NBEAL2: variants seen among roughly 807,000 people sequenced by gnomAD.
NBEAL2 encodes neurobeachin like 2.
Under a neutral mutation model 299.8 loss-of-function variants are expected in NBEAL2, and 160 were observed. That is an observed-to-expected ratio of 0.53 (90% confidence interval 0.47 to 0.61). The LOEUF is 0.61. NBEAL2 is among the 20% of genes least tolerant of loss of function. NBEAL2 has a pLI of 0.00. For synonymous variants in NBEAL2, 1,493 were observed against 1,542.3 expected (o/e 0.97, Z 0.75); for missense variants, 3,112 against 3,649.0 (o/e 0.85, Z 3.79).
chr3:47,005,176 C>T lies in NBEAL2; in HGVS notation c.6420-5C>T. 2.5e-6 allele frequency: 4 copies of T among 1,613,764 alleles called. No homozygotes were observed. The highest frequency in any genetic ancestry group is 3.4e-6 in the Non-Finnish European group (4 of 1,179,872). ...TTCTGCTGACACGTCCAACTGTGGC[C>T]CCAGGTATGAAAGCTTTGAGGACCC... On this transcript the variant is annotated splice_polypyrimidine_tract_variant and splice_region_variant and intron_variant, in intron 39 of 53. Coordinates refer to ENST00000450053, the MANE Select transcript of NBEAL2 (RefSeq NM_015175.3).
intron 9 of NBEAL2, among the ~76,000 whole-genome samples, chr3:46,992,178 G>A (rs2036145495): frequency 6.6e-6 from 1 of 152,160 alleles, no homozygotes; most frequent in Admixed American, 6.5e-5. Flanking sequence ...CCCCATGGAA[G>A]CGGGGCTTGT....
intron 31 of NBEAL2, 26 bp downstream of exon 31, chr3:47,002,314 G>T (rs1421259544): frequency 6.9e-6 from 11 of 1,590,818 alleles, no homozygotes; most frequent in Non-Finnish European, 8.6e-6. Context: ...GGCCCAGGAA[G>T]AGGAGTGGGG....
chr3:47,008,306 T>A lies in NBEAL2; in HGVS notation c.7743T>A (p.Thr2581=). ...AGGATGGAACTGTGATCATACACAC[T>A]GTACGCCGCGGACAGTTTGTAGCGG... ...GSEDGTVIIH[T]VRRGQFVAAL... is the part of the protein sequence containing the mutation. The change falls in exon 51 of 54, where the codon ACT becomes ACA. Residue 2581 remains threonine, a synonymous_variant. Coordinates refer to ENST00000450053, the MANE Select transcript of NBEAL2 (RefSeq NM_015175.3). 1 of 1,613,238 alleles carries A rather than the reference T, an allele frequency of 6.2e-7. No homozygotes were observed. The highest frequency in any genetic ancestry group is 8.5e-7 in the Non-Finnish European group (1 of 1,179,532).
chr3:47,008,750 C>A, intron 52 of NBEAL2, 82 bp downstream of exon 52: 1 of 1,561,600 alleles, frequency 6.4e-7, no homozygotes, highest in East Asian at 2.3e-5. Flanking sequence ...ACCCACACAC[C>A]ATACATGTTT....
At chr3:46,987,492 G>A (rs7630415) in intron 1 of NBEAL2, among the ~76,000 whole-genome samples, 2,777 of 152,354 alleles carry the variant, frequency 0.018, 93 homozygotes, top group African/African-American at 0.062. Flanking sequence ...GAGGGGCTTA[G>A]AGATTAGAGC....
chr3:46,979,773 G>A lies in NBEAL2; in HGVS notation c.-89G>A. The A allele has an allele frequency of 2.8e-6, 1 of 357,744 alleles. No individual in the cohort carries two copies. The highest frequency in any genetic ancestry group is 1.0e-4 in the South Asian group (1 of 9,752). 22.2% of individuals were successfully genotyped at this position (357,744 alleles called of 1,614,324 possible). On this transcript the variant is annotated 5_prime_UTR_variant, in exon 1 of 54. Transcript: ENST00000450053. ...GCTCCGCCCCGGAGTGACGCCCTCC[G>A]CCCATGGGCCTGGCCGAGGGCAACC...
At chr3:47,008,845 T>C in intron 52 of NBEAL2, 144 bp from the exon 53 acceptor site, 1 of 1,441,196 alleles carries the variant, frequency 6.9e-7, no homozygotes, top group Non-Finnish European at 9.4e-7. Flanking sequence ...TAGCCACAGT[T>C]GTGGGAGATT....
rs762474969 is a variant in NBEAL2, at chr3:47,002,616, A to C, written c.5302-29A>C. On this transcript the variant is annotated intron_variant, in intron 32 of 53. Transcript: ENST00000450053. ...GAAACGGGTAGGGCAGGCAGCAGCC[A>C]GGGGACTGACCTATTACCCCCACCC... is the stretch of plus-strand genomic sequence containing the variant. 3.7e-5 allele frequency: 59 copies of C among 1,607,912 alleles called. No individual in the cohort carries two copies. The South Asian group carries it at 5.0e-4, about 14-fold the overall frequency.
In NBEAL2 at chr3:46,989,365, C is replaced by T. The variant is rs866959953; in HGVS notation, c.457C>T (p.Arg153Trp). The T allele has an allele frequency of 3.2e-6, 5 of 1,578,996 alleles. No homozygotes were observed. The highest frequency in any genetic ancestry group is 1.7e-4 in the Middle Eastern group (1 of 6,032). ...CCTCTTTGACCCTTACCAAACCTGG[C>T]GGCGCCAGCGCAGTGGGTGAGACCC... is the stretch of plus-strand genomic sequence containing the variant. ...EGLFDPYQTW[R>W]RQRSGEVISS... is the part of the protein sequence containing the mutation. Residue 153 changes from arginine to tryptophan, a missense_variant, in exon 5 of 54, where the codon CGG becomes TGG. Coordinates refer to ENST00000450053, the MANE Select transcript of NBEAL2 (RefSeq NM_015175.3). This position sits in a 1 kb window ranked among gnomAD's most constrained non-coding sequence, Gnocchi z 5.5.
At chr3:46,983,096 A>G (rs1398137818) in intron 1 of NBEAL2, among the ~76,000 whole-genome samples, 2 of 152,138 alleles carry the variant, frequency 1.3e-5, no homozygotes, top group East Asian at 3.9e-4. Context: ...TCAGGGCAGA[A>G]CAAACCCTCA....
intron 12 of NBEAL2, among the ~76,000 whole-genome samples, chr3:46,994,792 G>A (rs2036359830): frequency 2.0e-5 from 3 of 152,192 alleles, no homozygotes; most frequent in African/African-American, 2.4e-5. Flanking sequence ...TGCAGTTAGG[G>A]GTTAGGCCAA....
At chr3:46,994,598 C>A (rs1002536822) in intron 12 of NBEAL2, 45 bp downstream of exon 12, 13 of 1,499,184 alleles carry the variant, frequency 8.7e-6, no homozygotes, top group Non-Finnish European at 4.5e-6. Context: ...GCAACCAGAA[C>A]TGAGTCAGGG....
In NBEAL2 at chr3:46,991,927, G is replaced by A. The variant is rs375643988; in HGVS notation, c.1013G>A (p.Arg338Gln). Reference protein sequence around the residue: ...LSNNCFEHLTRLIQNSKLYLQ... With the variant: ...LSNNCFEHLTQLIQNSKLYLQ... ...AACAATTGCTTTGAACACCTCACTC[G>A]GCTCATTCAGAACAGCAAGGTGGGT... Residue 338 changes from arginine to glutamine, a missense_variant, in exon 9 of 54, where the codon CGG (arginine) becomes CAG (glutamine). Around this residue, in one of 3 missense-constraint regions of NBEAL2, gnomAD observed 2,243 missense variants for 2,538.1 expected, o/e 0.88. Transcript: ENST00000450053. The surrounding 1 kb of genome is among the most constrained non-coding windows in gnomAD (Gnocchi z 6.2). The A allele has an allele frequency of 1.5e-5, 24 of 1,599,738 alleles. No homozygotes were observed. Among genetic ancestry groups the A allele is most frequent in the East Asian group, 4.5e-5 (2 of 44,268 alleles).
At position 47,007,239 on chromosome 3, in the gene NBEAL2, A is replaced by G; in HGVS notation, c.7225-2A>G. 1 of 1,611,664 alleles carries G rather than the reference A, an allele frequency of 6.2e-7. No homozygotes were observed. Among genetic ancestry groups the G allele is most frequent in the Non-Finnish European group, 8.5e-7 (1 of 1,178,868 alleles). ...CCCACCTCTGCCCCCTCCTGCCTGC[A>G]GGTGACTGTGAGTGCCAGTGGGCTG... On this transcript the variant is annotated splice_acceptor_variant, in intron 46 of 53. Transcript: ENST00000450053. LOFTEE classifies it high-confidence loss of function.
At position 47,002,725 on chromosome 3, in the gene NBEAL2, G is replaced by A. The variant is rs201887911; in HGVS notation, c.5382G>A (p.Thr1794=). The change falls in exon 33 of 54, where the codon ACG becomes ACA. Residue 1794 remains threonine (T), a synonymous_variant. Transcript: ENST00000450053. ...CGGCAGTGCTGAAGCAGCAGGCAAC[G>A]CAGCACTCCATGGCCCTGCTGCACT... ...RYTAVLKQQA[T]QHSMALLHWG... is the part of the protein sequence containing the mutation. The A allele has an allele frequency of 2.2e-4, 353 of 1,593,272 alleles. No homozygotes were observed. The highest frequency in any genetic ancestry group is 1.7e-4 in the Non-Finnish European group (202 of 1,173,048).
intron 42 of NBEAL2, 41 bp from the exon 43 acceptor site, chr3:47,005,905 G>A (rs1022728938): frequency 6.2e-7 from 1 of 1,612,298 alleles, no homozygotes; most frequent in East Asian, 2.2e-5. Flanking sequence ...ATCATGGGGG[G>A]TCAGCTGTCC....
chr3:46,999,419 G>C lies in NBEAL2; in HGVS notation c.3648G>C (p.Glu1216Asp), dbSNP rs767234947. ...GLQGLVACLP[E>D]GTVSPQLCQG... ...AGGGTCTGGTTGCCTGCTTGCCTGA[G>C]GGGACTGTTTCCCCCCAGCTCTGCC... The change falls in exon 25 of 54, where the codon GAG becomes GAC. Residue 1216 changes from glutamate to aspartate, a missense_variant. By Grantham distance (45) the Glu-to-Asp change is conservative. Transcript: ENST00000450053. 9 of 1,593,480 alleles carry C rather than the reference G, an allele frequency of 5.6e-6. No homozygotes were observed. The highest frequency in any genetic ancestry group is 7.7e-6 in the Non-Finnish European group (9 of 1,170,710).
chr3:46,986,615 TGA>T (rs1205761510), intron 1 of NBEAL2, among the ~76,000 whole-genome samples: 1 of 151,962 alleles, frequency 6.6e-6, no homozygotes, highest in Non-Finnish European at 1.5e-5. Context: ...CTAGCTTGAC[TGA>T]GGGGCAGAAG....
chr3:47,008,447 G>A lies in NBEAL2; in HGVS notation c.7878+6G>A. ...GGGAACGTCCTGGGGCCCAGGTATG[G>A]GGAAGGGGTGCCCAGCAAAGATGGA... On this transcript the variant is annotated splice_donor_region_variant and intron_variant, in intron 51 of 53. Coordinates refer to ENST00000450053, the MANE Select transcript of NBEAL2 (RefSeq NM_015175.3). 1 of 1,610,984 alleles carries A rather than the reference G, an allele frequency of 6.2e-7. No individual in the cohort carries two copies. Among genetic ancestry groups the A allele is most frequent in the South Asian group, 1.1e-5 (1 of 91,054 alleles).
Sources: allele counts gnomAD v4.1 joint callset (sites outside exome capture counted in the v4.1 genomes callset), GRCh38; gene constraint gnomAD v4.1.1; regional missense constraint gnomAD v4.1.1; non-coding constraint Gnocchi (gnomAD v3.1); transcripts MANE v1.5; gene names NCBI Gene and HGNC (gene_info 2026-07-23, HGNC 2026-07-21).